LTBP1: variants seen among roughly 807,000 people sequenced by gnomAD.
The protein encoded by LTBP1 is latent-transforming growth factor beta-binding protein 1.
In LTBP1, 129 loss-of-function variants were observed where a neutral mutation model predicts 207.6. The observed-to-expected ratio is 0.62, with a 90% CI of 0.54 to 0.72. The LOEUF is 0.72. Ranked by LOEUF, LTBP1 falls within the 30% of genes least tolerant of loss-of-function variation. LTBP1 has a pLI of 0.00. For missense variants in LTBP1, 2,281 were observed against 2,217.2 expected, an observed-to-expected ratio of 1.03 and a Z score of -0.58; for synonymous variants, 963 against 833.7, an observed-to-expected ratio of 1.16 and a Z score of -2.67.
At chr2:33,341,572 G>A (rs1378724853) in intron 24 of LTBP1, among the ~76,000 whole-genome samples, 20 of 151,504 alleles carry the variant, frequency 1.3e-4, no homozygotes, top group South Asian at 2.1e-4. Flanking sequence ...TTAGCCAGGC[G>A]TGGTGGCGAG....
chr2:33,128,700 C>A (rs1292013807), intron 4 of LTBP1, among the ~76,000 whole-genome samples: 2 of 152,210 alleles, frequency 1.3e-5, no homozygotes, highest in East Asian at 3.8e-4. Context: ...ATTGAACCCT[C>A]AACAAGTATG....
At chr2:33,011,608 TTAGC>T (rs1277762022) in intron 2 of LTBP1, among the ~76,000 whole-genome samples, 2 of 152,002 alleles carry the variant, frequency 1.3e-5, no homozygotes, top group Non-Finnish European at 2.9e-5. Context: ...CCTTGGACTT[TTAGC>T]TCCCAGAATT....
intron 11 of LTBP1, among the ~76,000 whole-genome samples, chr2:33,253,723 T>C (rs2092747248): frequency 6.6e-6 from 1 of 152,082 alleles, no homozygotes; most frequent in African/African-American, 2.4e-5. Context: ...TAAATATAAG[T>C]ATCATGACTC....
At chr2:33,131,367 T>C (rs2081779260) in intron 4 of LTBP1, among the ~76,000 whole-genome samples, 1 of 152,208 alleles carries the variant, frequency 6.6e-6, no homozygotes, top group Non-Finnish European at 1.5e-5. Context: ...TGTGAGGAAT[T>C]TGAAGCTCAG....
At chr2:33,038,849 A>G (rs2008844) in intron 3 of LTBP1, among the ~76,000 whole-genome samples, 37,084 of 151,778 alleles carry the variant, frequency 0.24, 5,083 homozygotes, top group Middle Eastern at 0.33. Flanking sequence ...TTTTTTTGCC[A>G]GAGCCTCATC....
intron 3 of LTBP1, among the ~76,000 whole-genome samples, chr2:33,047,859 C>T (rs965961811): frequency 2.6e-5 from 4 of 152,034 alleles, no homozygotes; most frequent in South Asian, 2.1e-4. Flanking sequence ...ATCCCTTTAC[C>T]ACTATGTAAT....
intron 22 of LTBP1, among the ~76,000 whole-genome samples, 153 bp from the exon 23 acceptor site, chr2:33,309,280 CA>C (rs200196283): frequency 0.029 from 2,002 of 69,406 alleles, 12 homozygotes; most frequent in Non-Finnish European, 0.036. Context: ...GACTCCGTCT[CA>C]AAAAAAAAAA....
At chr2:33,252,879 C>A in intron 11 of LTBP1, 35 bp downstream of exon 11, 4 of 1,543,616 alleles carry the variant, frequency 2.6e-6, no homozygotes, top group Non-Finnish European at 3.5e-6. Context: ...CACATAGATT[C>A]CCAGCCACAT....
chr2:33,364,382 G>C, intron 30 of LTBP1, 26 bp downstream of exon 30: 1 of 1,591,784 alleles, frequency 6.3e-7, no homozygotes, highest in Non-Finnish European at 8.5e-7. Context: ...ATGCAAACCT[G>C]TGTCCAAATA....
intron 19 of LTBP1, among the ~76,000 whole-genome samples, chr2:33,288,892 G>A (rs2093721078): frequency 6.6e-6 from 1 of 151,944 alleles, no homozygotes; most frequent in Non-Finnish European, 1.5e-5. Flanking sequence ...AGAAGGTGGA[G>A]TCTGGGAATT....
intron 2 of LTBP1, among the ~76,000 whole-genome samples, chr2:32,977,059 G>T (rs1478285363): frequency 3.3e-5 from 5 of 152,208 alleles, no homozygotes; most frequent in African/African-American, 7.2e-5. Flanking sequence ...TGCTGTCCGG[G>T]TGTTATCCTG....
chr2:33,210,752 G>A (rs1008932318), intron 7 of LTBP1, among the ~76,000 whole-genome samples: 2 of 152,138 alleles, frequency 1.3e-5, no homozygotes, highest in African/African-American at 4.8e-5. Context: ...CTCCTCCGTT[G>A]CCACTGGCTT....
In LTBP1 at chr2:33,243,737, C is replaced by A; in HGVS notation, c.1952C>A (p.Thr651Asn). ...AATACCATGGGCAGCTATCGATGTA[C>A]CTGCAAAATAGGATTTGGGCCGGAT... ...CLNTMGSYRC[T>N]CKIGFGPDPT... The change falls in exon 10 of 34, where the codon ACC (threonine) becomes AAC (asparagine). Residue 651 changes from threonine (T) to asparagine (N), a missense_variant. Around this residue, in one of 3 missense-constraint regions of LTBP1, gnomAD observed 1,671 missense variants for 1,634.8 expected, o/e 1.02. Transcript: ENST00000404816. The A allele has an allele frequency of 1.2e-6, 2 of 1,613,540 alleles. No individual in the cohort carries two copies. The highest frequency in any genetic ancestry group is 1.7e-6 in the Non-Finnish European group (2 of 1,179,508).
rs142736024 is a variant in LTBP1, at chr2:33,290,912, T to C, written c.3113-2248T>C. ...AGAGAAATCTGGGCCAACGATATAA[T>C]GCTGAATTAATTTTACACCATTTGC... On this transcript the variant is annotated intron_variant, in intron 19 of 33. Coordinates refer to ENST00000404816, the MANE Select transcript of LTBP1 (RefSeq NM_206943.4). Among the ~76,000 whole-genome samples the C allele has an allele frequency of 2.7e-3, 406 of 152,360 alleles. 1 individual carries two copies. The highest frequency in any genetic ancestry group is 9.2e-3 in the African/African-American group (384 of 41,590).
intron 4 of LTBP1, among the ~76,000 whole-genome samples, chr2:33,123,017 A>T (rs1414778791): frequency 6.6e-6 from 1 of 152,184 alleles, no homozygotes; most frequent in Non-Finnish European, 1.5e-5. Context: ...ACTTCTAGAG[A>T]GGGAAAACCC....
intron 18 of LTBP1, among the ~76,000 whole-genome samples, chr2:33,279,125 G>A (rs1021357377): frequency 2.6e-5 from 4 of 152,078 alleles, no homozygotes; most frequent in Non-Finnish European, 4.4e-5. Context: ...TATATACATT[G>A]TGTATTGGGA....
chr2:32,974,927 G>A (rs1167613053), intron 2 of LTBP1, among the ~76,000 whole-genome samples: 1 of 152,176 alleles, frequency 6.6e-6, no homozygotes, highest in African/African-American at 2.4e-5. Context: ...CATGTTGTTA[G>A]CTGGTTATTA....
chr2:33,302,436 T>A (rs1015574201), intron 22 of LTBP1, among the ~76,000 whole-genome samples: 13 of 152,202 alleles, frequency 8.5e-5, no homozygotes, highest in Admixed American at 3.3e-4. Context: ...TGGATGAGCC[T>A]TTTGGTGAAT....
At chr2:33,348,561 C>T (rs2094735765) in intron 26 of LTBP1, among the ~76,000 whole-genome samples, 2 of 152,012 alleles carry the variant, frequency 1.3e-5, no homozygotes, top group Non-Finnish European at 2.9e-5. Context: ...AACCAAAAAA[C>T]AAAAAAATCT....
Sources: gnomAD v4.1 joint callset for allele counts (sites outside exome capture counted in the v4.1 genomes callset) on GRCh38, gnomAD v4.1.1 for gene constraint, gnomAD v4.1.1 regional missense constraint, MANE v1.5 for transcripts, NCBI Gene and HGNC (gene_info 2026-07-23, HGNC 2026-07-21) for gene names.